Variants in RUBCNL observed in about 807,000 individuals in gnomAD.
RUBCNL encodes the protein rubicon like autophagy enhancer.
RUBCNL carries 62 observed loss-of-function variants against 69.5 expected under a neutral mutation model. The observed-to-expected ratio is 0.89, with a 90% CI of 0.73 to 1.10. RUBCNL has a LOEUF of 1.10. Among genes scored for constraint, RUBCNL ranks in the 50% least tolerant of loss-of-function variants. The pLI, the probability that RUBCNL is intolerant of heterozygous loss-of-function variation, is 0.00. For synonymous variants in RUBCNL, 291 were observed against 303.6 expected, an observed-to-expected ratio of 0.96 and a Z score of 0.43; for missense variants, 768 against 798.1, an observed-to-expected ratio of 0.96 and a Z score of 0.45.
intron 5 of RUBCNL, among the ~76,000 whole-genome samples, chr13:46,367,681 T>C (rs2048787942): frequency 6.6e-6 from 1 of 152,190 alleles, no homozygotes. Flanking sequence ...TTACCTGCTG[T>C]CAACTGGTCC....
chr13:46,359,900 A>G (rs2048574283), intron 8 of RUBCNL, among the ~76,000 whole-genome samples: 1 of 152,158 alleles, frequency 6.6e-6, no homozygotes, highest in African/African-American at 2.4e-5. Context: ...TAAGTAGGTC[A>G]TTTTGACCTG....
chr13:46,357,325 T>A (rs1594148050), intron 9 of RUBCNL, among the ~76,000 whole-genome samples: 1 of 108,684 alleles, frequency 9.2e-6, no homozygotes, highest in Non-Finnish European at 1.7e-5. Flanking sequence ...AGAGTGAGAC[T>A]CCGTCTCAAA....
chr13:46,362,552 G>T lies in RUBCNL; in HGVS notation c.972C>A (p.Cys324Ter). Residue 324 changes from cysteine to a stop codon, truncating the protein, a stop_gained, in exon 7 of 15, where the codon TGC becomes TGA. Transcript: ENST00000429979. LOFTEE classifies it high-confidence loss of function. ...NDITETCSCS[C>*]SSSKSVTYEP... ...AAGACAGATACCTCTTAGAGGAGCT[G>T]CAGGAACAGCTACAGGTTTCTGTGA... 3.1e-6 allele frequency: 5 copies of T among 1,608,776 alleles called. No homozygotes were observed. The highest frequency in any genetic ancestry group is 4.2e-6 in the Non-Finnish European group (5 of 1,177,326).
chr13:46,370,742 G>T (rs2086960273), intron 3 of RUBCNL, among the ~76,000 whole-genome samples: 1 of 152,056 alleles, frequency 6.6e-6, no homozygotes, highest in African/African-American at 2.4e-5. Flanking sequence ...GGTATGCTAG[G>T]CCCCAAAGAT....
intron 10 of RUBCNL, among the ~76,000 whole-genome samples, chr13:46,354,148 C>T (rs191940813): frequency 6.6e-6 from 1 of 152,170 alleles, no homozygotes; most frequent in East Asian, 1.9e-4. Context: ...TTGGGATATA[C>T]TGAACTAGTA....
At chr13:46,349,185 G>T (rs1248051916) in intron 12 of RUBCNL, 101 bp downstream of exon 12, 1 of 975,916 alleles carries the variant, frequency 1.0e-6, no homozygotes, top group Non-Finnish European at 1.6e-6. Context: ...TCATCACTGT[G>T]CTAAGAAGCC....
chr13:46,356,881 G>T (rs1403024249), intron 9 of RUBCNL, among the ~76,000 whole-genome samples: 2 of 149,538 alleles, frequency 1.3e-5, no homozygotes, highest in African/African-American at 4.9e-5. Context: ...AGCTTTTTTT[G>T]GCTTTATTTA....
Position 46,335,256 on chromosome 13 carries a change from TGTTG to T in RUBCNL, c.*8125_*8128del, listed in dbSNP as rs1476900108. 8.9e-6 allele frequency among the ~76,000 whole-genome samples: 1 copy of T among 112,920 alleles called. No homozygotes were observed. Among genetic ancestry groups the T allele is most frequent in the East Asian group, 4.6e-4 (1 of 2,162 alleles). 74.1% of individuals were successfully genotyped at this position (112,920 alleles called of 152,430 possible). A position where few individuals can be genotyped will look rare whatever the true frequency, so the allele number is the denominator to read the frequency against. On this transcript the variant is annotated 3_prime_UTR_variant, in exon 15 of 15. Coordinates refer to ENST00000429979, the MANE Select transcript of RUBCNL (RefSeq NM_025113.5). The stretch of plus-strand genomic sequence containing the variant: ...ATTTGTGTCTTTTTGTTGTTGTTGT[TGTTG>T]TTTTTTTTTTTTTTTTTTTTTTTTT...
At chr13:46,348,532 G>A (rs186208021) in intron 12 of RUBCNL, among the ~76,000 whole-genome samples, 2 of 152,060 alleles carry the variant, frequency 1.3e-5, no homozygotes, top group East Asian at 3.9e-4. Context: ...GGAGCCTGGT[G>A]GGAGGTAATT....
Position 46,338,553 on chromosome 13 carries a change from CG to C in RUBCNL, c.*4831del. Among the ~76,000 whole-genome samples, 1 of 152,202 alleles carries C rather than the reference CG, an allele frequency of 6.6e-6. No homozygotes were observed. The highest frequency in any genetic ancestry group is 2.1e-4 in the South Asian group (1 of 4,826). On this transcript the variant is annotated 3_prime_UTR_variant, in exon 15 of 15. Transcript: ENST00000429979. ...ACAGGAGGGGTGGGGGCTTTGGGTG[CG>C]CTTGCCCTTTGTCTCCTCACCAATG...
intron 10 of RUBCNL, 36 bp from the exon 11 acceptor site, chr13:46,350,387 G>A (rs1390456963): frequency 1.4e-6 from 2 of 1,460,486 alleles, no homozygotes; most frequent in Non-Finnish European, 1.9e-6. Context: ...GCCACACCTG[G>A]TGCTGAAAAC....
In RUBCNL at chr13:46,336,248, C is replaced by T. The variant is rs562696085; in HGVS notation, c.*7137G>A. Among the ~76,000 whole-genome samples the T allele has an allele frequency of 9.2e-5, 14 of 152,284 alleles. No individual in the cohort carries two copies. Among genetic ancestry groups the T allele is most frequent in the Admixed American group, 8.5e-4 (13 of 15,294 alleles). On this transcript the variant is annotated 3_prime_UTR_variant, in exon 15 of 15. Coordinates refer to ENST00000429979, the MANE Select transcript of RUBCNL (RefSeq NM_025113.5). ...AAAACCAGGAGCTTTGGGTACCAGG[C>T]AGCACCTCCATCATCAGACTCTACG...
At chr13:46,379,951 C>T (rs970149334) in intron 1 of RUBCNL, among the ~76,000 whole-genome samples, 1 of 152,208 alleles carries the variant, frequency 6.6e-6, no homozygotes, top group African/African-American at 2.4e-5. Flanking sequence ...TAATTTAACT[C>T]AACAGCTTCC....
At chr13:46,365,669 CTG>C (rs2048737785) in intron 5 of RUBCNL, among the ~76,000 whole-genome samples, 1 of 152,168 alleles carries the variant, frequency 6.6e-6, no homozygotes, top group Non-Finnish European at 1.5e-5. Flanking sequence ...GGGGAAATGT[CTG>C]CCAGCAACTA....
chr13:46,386,762 C>T (rs1420615261), intron 1 of RUBCNL, among the ~76,000 whole-genome samples: 4 of 152,186 alleles, frequency 2.6e-5, no homozygotes, highest in African/African-American at 7.2e-5. Flanking sequence ...AGACACTGAT[C>T]CCAGAACACT....
chr13:46,354,481 G>A (rs898148863), intron 10 of RUBCNL, among the ~76,000 whole-genome samples: 2 of 152,172 alleles, frequency 1.3e-5, no homozygotes, highest in African/African-American at 4.8e-5. Context: ...GAATTTAACA[G>A]GAAAAGCCCA....
chr13:46,345,064 T>C (rs1344704498), intron 13 of RUBCNL, among the ~76,000 whole-genome samples: 2 of 152,256 alleles, frequency 1.3e-5, no homozygotes, highest in African/African-American at 2.4e-5. Context: ...AAGGTCCTAA[T>C]TGTAAACATG....
In RUBCNL at chr13:46,343,498, C is replaced by A. The variant is rs1489966781; in HGVS notation, c.1877-1G>T. 1 of 1,612,490 alleles carries A rather than the reference C, an allele frequency of 6.2e-7. No homozygotes were observed. The highest frequency in any genetic ancestry group is 2.2e-5 in the East Asian group (1 of 44,844). On this transcript the variant is annotated splice_acceptor_variant, in intron 14 of 14. Coordinates refer to ENST00000429979, the MANE Select transcript of RUBCNL (RefSeq NM_025113.5). LOFTEE classifies it high-confidence loss of function. The stretch of plus-strand genomic sequence containing the variant: ...TGTTTGTGAAAGCAAGCCCTGCACG[C>A]TGCAAGCAAGGAAGAGAGCCGTTAG...
In RUBCNL at chr13:46,362,923, CATATATATATATATAGATATATAT is replaced by C. The variant is rs1449162077; in HGVS notation, c.925+168_925+191del. 4.9e-4 allele frequency among the ~76,000 whole-genome samples: 43 copies of C among 88,060 alleles called. 3 individuals are homozygous for C. The highest frequency in any genetic ancestry group is 1.2e-3 in the African/African-American group (25 of 21,232). 57.8% of individuals were successfully genotyped at this position (88,060 alleles called of 152,430 possible). ...ATCCAGACATTTGAAACAAGAACAT[CATATATATATATATAGATATATAT>C]ATATATATATATATATATATATATA... On this transcript the variant is annotated intron_variant, in intron 6 of 14. Coordinates refer to ENST00000429979, the MANE Select transcript of RUBCNL (RefSeq NM_025113.5).
Sources: allele counts gnomAD v4.1 joint callset (sites outside exome capture counted in the v4.1 genomes callset), GRCh38; gene constraint gnomAD v4.1.1; transcripts MANE v1.5; gene names NCBI Gene and HGNC (gene_info 2026-07-23, HGNC 2026-07-21).